CYP8B1: variants seen among roughly 807,000 people sequenced by gnomAD.
CYP8B1 encodes the protein 7-alpha-hydroxycholest-4-en-3-one 12-alpha-hydroxylase.
For synonymous variants in CYP8B1, 221 were observed against 251.2 expected (o/e 0.88, Z 1.14); for missense variants, 594 against 643.7 (o/e 0.92, Z 0.84).
Position 42,875,322 on chromosome 3 carries a change from A to C in CYP8B1, c.495T>G (p.His165Gln). The C allele has an allele frequency of 6.2e-7, 1 of 1,613,964 alleles. No individual in the cohort carries two copies. Among genetic ancestry groups the C allele is most frequent in the Non-Finnish European group, 8.5e-7 (1 of 1,179,972 alleles). Residue 165 changes from histidine (H) to glutamine (Q), a missense_variant, in exon 1 of 1, where the codon CAT (histidine) becomes CAG (glutamine). By Grantham distance (24) the His-to-Gln change is conservative (BLOSUM62 0). Coordinates refer to ENST00000316161, the MANE Select transcript of CYP8B1 (RefSeq NM_004391.3). Reference sequence around the variant, plus strand: ...AGCAGAAGCGAAAGAGGCTGTCCTCATGCCAGCAACTGGCATCCAGACTCC... The same window carrying C: ...AGCAGAAGCGAAAGAGGCTGTCCTCCTGCCAGCAACTGGCATCCAGACTCC... ...KGWSLDASCW[H>Q]EDSLFRFCYY... is the part of the protein sequence containing the mutation.
Position 42,875,117 on chromosome 3 carries a change from G to A in CYP8B1, c.700C>T (p.Arg234Cys). The A allele has an allele frequency of 1.9e-6, 3 of 1,613,316 alleles. No homozygotes were observed. The highest frequency in any genetic ancestry group is 1.3e-5 in the African/African-American group (1 of 75,034). The change falls in exon 1 of 1, where the codon CGT becomes TGT. Residue 234 changes from arginine to cysteine, a missense_variant. Transcript: ENST00000316161. ...REWLEVGRLQ[R>C]LFHKMLSVSH... ...ACGGAGAGCATCTTGTGAAAGAGAC[G>A]CTGGAGTCGGCCCACTTCTAGCCAC...
rs1463351274 is a variant in CYP8B1, at chr3:42,874,828, T to A, written c.989A>T (p.Lys330Ile). 6.2e-7 allele frequency: 1 copy of A among 1,610,742 alleles called. No homozygotes were observed. Among genetic ancestry groups the A allele is most frequent in the Non-Finnish European group, 8.5e-7 (1 of 1,177,914 alleles). Residue 330 changes from lysine to isoleucine, a missense_variant, in exon 1 of 1, where the codon AAA becomes ATA. Transcript: ENST00000316161. ...TGGGGTGTGTTGCAGGGCACCGAGT[T>A]TGAAGGCAAAGGACTGCTTGGTCTC... ...RLETKQSFAFKLGALQHTPVL... is the reference protein window; with the variant it reads ...RLETKQSFAFILGALQHTPVL...
Position 42,875,356 on chromosome 3 carries a change from G to A in CYP8B1, c.461C>T (p.Ser154Phe). 2 of 1,614,084 alleles carry A rather than the reference G, an allele frequency of 1.2e-6. No homozygotes were observed. The highest frequency in any genetic ancestry group is 2.7e-5 in the African/African-American group (2 of 75,048). Residue 154 changes from serine to phenylalanine, a missense_variant, in exon 1 of 1, where the codon TCC becomes TTC. Physicochemically the swap from Ser to Phe is radical, Grantham distance 155 (BLOSUM62 -2). Transcript: ENST00000316161. Reference protein sequence around the residue: ...LDSLSFVMLTSKGWSLDASCW... With the variant: ...LDSLSFVMLTFKGWSLDASCW... ...ACTGGCATCCAGACTCCAGCCTTTG[G>A]ACGTCAGCATTACAAAGGACAGGCT...
rs1444067725 is a variant in CYP8B1 at position 42,874,535 on chromosome 3, G to T, written c.1282C>A (p.His428Asn). The T allele has an allele frequency of 6.2e-7, 1 of 1,614,094 alleles. No individual in the cohort carries two copies. The highest frequency in any genetic ancestry group is 8.5e-7 in the Non-Finnish European group (1 of 1,180,022). The change falls in exon 1 of 1, where the codon CAC becomes AAC. Residue 428 changes from histidine to asparagine, a missense_variant. Transcript: ENST00000316161. ...DFFKTGKKIH[H>N]YTMPWGSGVS... ...CCCGAACCCCAGGGCATGGTGTAGT[G>T]GTGGATCTTCTTGCCTGTCTTGAAG...
In CYP8B1 at chr3:42,875,843, C is replaced by A; in HGVS notation, c.-27G>T. Reference sequence around the variant, plus strand: ...GCTATGCTCCTGCGGATTAAGCTCTCGACACGCACACTGTTCCCTGGGTGC... The same window carrying A: ...GCTATGCTCCTGCGGATTAAGCTCTAGACACGCACACTGTTCCCTGGGTGC... On this transcript the variant is annotated 5_prime_UTR_variant, in exon 1 of 1. Coordinates refer to ENST00000316161, the MANE Select transcript of CYP8B1 (RefSeq NM_004391.3). 1 of 1,340,240 alleles carries A rather than the reference C, an allele frequency of 7.5e-7. No homozygotes were observed. Among genetic ancestry groups the A allele is most frequent in the Non-Finnish European group, 9.6e-7 (1 of 1,038,744 alleles). The allele number at this position is 1,340,240 out of a possible 1,614,324, so 83.0% of individuals were successfully genotyped here.
In CYP8B1 at chr3:42,874,257, G is replaced by C. The variant is rs1199000530; in HGVS notation, c.*54C>G. ...TGGGGCTGCAGAGGGGTGAGAACAG[G>C]TGAGAGATGCAATAGAACTCCTCTG... On this transcript the variant is annotated 3_prime_UTR_variant, in exon 1 of 1. Transcript: ENST00000316161. The C allele has an allele frequency of 1.3e-6, 2 of 1,532,540 alleles. No individual in the cohort carries two copies. Among genetic ancestry groups the C allele is most frequent in the Non-Finnish European group, 1.8e-6 (2 of 1,122,560 alleles). 94.9% of individuals were successfully genotyped at this position (1,532,540 alleles called of 1,614,324 possible).
chr3:42,874,293 C>A lies in CYP8B1; in HGVS notation c.*18G>T. 6.2e-7 allele frequency: 1 copy of A among 1,608,662 alleles called. No homozygotes were observed. On this transcript the variant is annotated 3_prime_UTR_variant, in exon 1 of 1. Coordinates refer to ENST00000316161, the MANE Select transcript of CYP8B1 (RefSeq NM_004391.3). Reference sequence around the variant, plus strand: ...AATAGAACTCCTCTGGCCAGGTTTGCAGCTGGCTTGGCCAAGCTCACTCTG... The same window carrying A: ...AATAGAACTCCTCTGGCCAGGTTTGAAGCTGGCTTGGCCAAGCTCACTCTG...
In CYP8B1 at chr3:42,873,325, G is replaced by C. The variant is rs921932931; in HGVS notation, c.*986C>G. 1 of 151,220 alleles carries C rather than the reference G, an allele frequency of 6.6e-6. No homozygotes were observed. Among genetic ancestry groups the C allele is most frequent in the South Asian group, 2.1e-4 (1 of 4,736 alleles). 9.4% of individuals were successfully genotyped at this position (151,220 alleles called of 1,614,324 possible). On this transcript the variant is annotated 3_prime_UTR_variant, in exon 1 of 1. Transcript: ENST00000316161. ...GATCACACCACTGCACTGCAGCCTGGGCAACAGAGTGAGACTCTGTCTCAA... is the reference window on the plus strand; with the variant it reads ...GATCACACCACTGCACTGCAGCCTGCGCAACAGAGTGAGACTCTGTCTCAA...
In CYP8B1 at chr3:42,874,175, G is replaced by A; in HGVS notation, c.*136C>T. ...CTAGGCGGGGAGAGAGCGAGGACAG[G>A]CAGAACAGAGGTAGGGGGTGCCACA... On this transcript the variant is annotated 3_prime_UTR_variant, in exon 1 of 1. Coordinates refer to ENST00000316161, the MANE Select transcript of CYP8B1 (RefSeq NM_004391.3). 1 of 675,716 alleles carries A rather than the reference G, an allele frequency of 1.5e-6. No individual in the cohort carries two copies. Among genetic ancestry groups the A allele is most frequent in the Non-Finnish European group, 2.5e-6 (1 of 401,884 alleles). The allele number at this position is 675,716 out of a possible 1,614,324, so 41.9% of individuals were successfully genotyped here.
Position 42,873,246 on chromosome 3 carries a change from G to A in CYP8B1, c.*1065C>T, listed in dbSNP as rs2088486730. The A allele has an allele frequency of 6.6e-6, 1 of 152,184 alleles. No individual in the cohort carries two copies. The highest frequency in any genetic ancestry group is 1.5e-5 in the Non-Finnish European group (1 of 68,082). 9.4% of individuals were successfully genotyped at this position (152,184 alleles called of 1,614,324 possible). A position where few individuals can be genotyped will look rare whatever the true frequency, so the allele number is the denominator to read the frequency against. On this transcript the variant is annotated 3_prime_UTR_variant, in exon 1 of 1. Transcript: ENST00000316161. ...CACCTATAATCCCAGCTACTCAGAA[G>A]CCTGAGGCAGGAGAATTACTTGAAC...
chr3:42,874,133 A>C lies in CYP8B1; in HGVS notation c.*178T>G, dbSNP rs2088495247. 1 of 606,300 alleles carries C rather than the reference A, an allele frequency of 1.6e-6. No homozygotes were observed. The highest frequency in any genetic ancestry group is 2.0e-5 in the South Asian group (1 of 49,606). 37.6% of individuals were successfully genotyped at this position (606,300 alleles called of 1,614,324 possible). On this transcript the variant is annotated 3_prime_UTR_variant, in exon 1 of 1. Transcript: ENST00000316161. ...GAGAGATGGTATTTTAAAGAGAATGATAAGCCTGTCAGATGACTAGGCGGG... is the reference window on the plus strand; with the variant it reads ...GAGAGATGGTATTTTAAAGAGAATGCTAAGCCTGTCAGATGACTAGGCGGG...
Position 42,875,641 on chromosome 3 carries a change from C to T in CYP8B1, c.176G>A (p.Arg59His), listed in dbSNP as rs961639006. 1.6e-5 allele frequency: 24 copies of T among 1,481,154 alleles called. No homozygotes were observed. The highest frequency in any genetic ancestry group is 1.8e-4 in the Middle Eastern group (1 of 5,560). The allele number at this position is 1,481,154 out of a possible 1,614,324, so 91.8% of individuals were successfully genotyped here. Residue 59 changes from arginine to histidine, a missense_variant, in exon 1 of 1, where the codon CGC becomes CAC. Transcript: ENST00000316161. ...FRKNMFEFLK[R>H]MRTKHGDVFT... The stretch of plus-strand genomic sequence containing the variant: ...CACATCCCCATGCTTGGTCCTCATG[C>T]GCTTCAGAAATTCAAACATATTCTT...
chr3:42,875,843 C>G lies in CYP8B1; in HGVS notation c.-27G>C. 1 of 1,340,242 alleles carries G rather than the reference C, an allele frequency of 7.5e-7. No homozygotes were observed. 83.0% of individuals were successfully genotyped at this position (1,340,242 alleles called of 1,614,324 possible). A position where few individuals can be genotyped will look rare whatever the true frequency, so the allele number is the denominator to read the frequency against. Reference sequence around the variant, plus strand: ...GCTATGCTCCTGCGGATTAAGCTCTCGACACGCACACTGTTCCCTGGGTGC... The same window carrying G: ...GCTATGCTCCTGCGGATTAAGCTCTGGACACGCACACTGTTCCCTGGGTGC... On this transcript the variant is annotated 5_prime_UTR_variant, in exon 1 of 1. Coordinates refer to ENST00000316161, the MANE Select transcript of CYP8B1 (RefSeq NM_004391.3).
rs1361095144 is a variant in CYP8B1, at chr3:42,875,180, AAAG to A, written c.634_636del (p.Leu212del). ...AGCAGGGAGTAGACAAACCTTGGGA[AAAG>A]AAGGTCAAACTTGCGGAACTCCATG... On this transcript the variant is annotated inframe_deletion, in exon 1 of 1. Transcript: ENST00000316161. The A allele has an allele frequency of 2.5e-6, 4 of 1,598,636 alleles. No homozygotes were observed. The Admixed American group carries it at 6.8e-5, about 27-fold the overall frequency.
In CYP8B1 at chr3:42,875,773, A is replaced by G. The variant is rs1445490813; in HGVS notation, c.44T>C (p.Ile15Thr). 1.4e-6 allele frequency: 2 copies of G among 1,421,424 alleles called. No individual in the cohort carries two copies. The highest frequency in any genetic ancestry group is 2.6e-5 in the East Asian group (1 of 38,670). 88.1% of individuals were successfully genotyped at this position (1,421,424 alleles called of 1,614,324 possible). Residue 15 changes from isoleucine (I) to threonine (T), a missense_variant, in exon 1 of 1, where the codon ATT becomes ACT. Physicochemically the swap from Ile to Thr is moderately conservative, Grantham distance 89. Coordinates refer to ENST00000316161, the MANE Select transcript of CYP8B1 (RefSeq NM_004391.3). ...GPVLGALLVV[I>T]AGYLCLPGML... is the part of the protein sequence containing the mutation. ...CCCTGGCAGGCACAGGTATCCAGCA[A>G]TGACCACCAGCAGAGCTCCCAGCAC...
Position 42,872,200 on chromosome 3 carries a change from C to G in CYP8B1, c.*2111G>C, listed in dbSNP as rs2088477622. The G allele has an allele frequency of 6.6e-6, 1 of 152,238 alleles. No individual in the cohort carries two copies. Among genetic ancestry groups the G allele is most frequent in the South Asian group, 2.1e-4 (1 of 4,836 alleles). 9.4% of individuals were successfully genotyped at this position (152,238 alleles called of 1,614,324 possible). Reference sequence around the variant, plus strand: ...TTAGCCGAGACTGGAAGTCAGGTTTCTAACATTTAATCTCCACTTAGGGAA... The same window carrying G: ...TTAGCCGAGACTGGAAGTCAGGTTTGTAACATTTAATCTCCACTTAGGGAA... On this transcript the variant is annotated 3_prime_UTR_variant, in exon 1 of 1. Transcript: ENST00000316161.
At position 42,872,386 on chromosome 3, in the gene CYP8B1, G is replaced by C. The variant is rs2088478943; in HGVS notation, c.*1925C>G. On this transcript the variant is annotated 3_prime_UTR_variant, in exon 1 of 1. Transcript: ENST00000316161. ...CTGCACAGTTCGGAGGCCATTTCTG[G>C]CCAGAGGATGGGATGCGTGAAATCC... is the stretch of plus-strand genomic sequence containing the variant. 1 of 152,370 alleles carries C rather than the reference G, an allele frequency of 6.6e-6. No individual in the cohort carries two copies. The highest frequency in any genetic ancestry group is 2.4e-5 in the African/African-American group (1 of 41,466). 9.4% of individuals were successfully genotyped at this position (152,370 alleles called of 1,614,324 possible).
Position 42,875,382 on chromosome 3 carries a change from G to A in CYP8B1, c.435C>T (p.Asp145=). 1.9e-6 allele frequency: 3 copies of A among 1,614,184 alleles called. No homozygotes were observed. The highest frequency in any genetic ancestry group is 2.5e-6 in the Non-Finnish European group (3 of 1,180,024). The change falls in exon 1 of 1, where the codon GAC becomes GAT. Residue 145 remains aspartate (D), a synonymous_variant. Coordinates refer to ENST00000316161, the MANE Select transcript of CYP8B1 (RefSeq NM_004391.3). ...GLKDLNETML[D]SLSFVMLTSK... Reference sequence around the variant, plus strand: ...ACGTCAGCATTACAAAGGACAGGCTGTCCAGCATGGTCTCATTAAGATCCT... The same window carrying A: ...ACGTCAGCATTACAAAGGACAGGCTATCCAGCATGGTCTCATTAAGATCCT...
chr3:42,874,167 G>A lies in CYP8B1; in HGVS notation c.*144C>T, dbSNP rs1289324353. 1.2e-5 allele frequency: 8 copies of A among 648,734 alleles called. No homozygotes were observed. Among genetic ancestry groups the A allele is most frequent in the South Asian group, 5.8e-5 (3 of 51,860 alleles). The allele number at this position is 648,734 out of a possible 1,614,324, so 40.2% of individuals were successfully genotyped here. A position where few individuals can be genotyped will look rare whatever the true frequency, so the allele number is the denominator to read the frequency against. Reference sequence around the variant, plus strand: ...TCAGATGACTAGGCGGGGAGAGAGCGAGGACAGGCAGAACAGAGGTAGGGG... The same window carrying A: ...TCAGATGACTAGGCGGGGAGAGAGCAAGGACAGGCAGAACAGAGGTAGGGG... On this transcript the variant is annotated 3_prime_UTR_variant, in exon 1 of 1. Transcript: ENST00000316161.
Sources: gnomAD v4.1 joint callset for allele counts on GRCh38, gnomAD v4.1.1 for gene constraint, MANE v1.5 for transcripts, NCBI Gene and HGNC (gene_info 2026-07-23, HGNC 2026-07-21) for gene names.